CTDSPL2: variants seen among roughly 807,000 people sequenced by gnomAD.
The protein encoded by CTDSPL2 is CTD small phosphatase-like protein 2.
Under a neutral mutation model 60.0 loss-of-function variants are expected in CTDSPL2, and 5 were observed. The ratio of observed to expected loss-of-function variants is 0.08; its 90% CI spans 0.04 to 0.18. CTDSPL2 has a LOEUF of 0.18. Among genes scored for constraint, CTDSPL2 ranks in the 10% least tolerant of loss-of-function variants. The pLI is 1.00. For synonymous variants in CTDSPL2, 186 were observed against 189.3 expected (o/e 0.98, Z 0.14); for missense variants, 370 against 548.8 (o/e 0.67, Z 3.26).
At chr15:44,496,330 C>A in intron 5 of CTDSPL2, 50 bp from the exon 6 acceptor site, 1 of 1,173,970 alleles carries the variant, frequency 8.5e-7, no homozygotes, top group South Asian at 1.3e-5. Flanking sequence ...ATATATATTT[C>A]ATGAAGCATT....
chr15:44,513,777 A>G (rs2081606134), intron 8 of CTDSPL2, among the ~76,000 whole-genome samples: 1 of 152,192 alleles, frequency 6.6e-6, no homozygotes, highest in African/African-American at 2.4e-5. Context: ...TTTGTAACAA[A>G]ATGAATACAA....
At chr15:44,511,209 C>T (rs1396447604) in intron 8 of CTDSPL2, among the ~76,000 whole-genome samples, 3 of 152,170 alleles carry the variant, frequency 2.0e-5, no homozygotes, top group Non-Finnish European at 4.4e-5. Context: ...AGTAAAGAAA[C>T]ACTCTAGCAA....
chr15:44,438,932 G>C (rs2080028076), intron 1 of CTDSPL2, among the ~76,000 whole-genome samples: 1 of 152,062 alleles, frequency 6.6e-6, no homozygotes, highest in Admixed American at 6.6e-5. Flanking sequence ...AGGAGATCTT[G>C]AACCAGATCA....
chr15:44,444,367 A>G (rs990932010), intron 1 of CTDSPL2, among the ~76,000 whole-genome samples: 5 of 149,144 alleles, frequency 3.4e-5, no homozygotes, highest in African/African-American at 9.9e-5. Flanking sequence ...TTTTTTGAGA[A>G]GGGACCTTAC....
chr15:44,453,909 A>G (rs1367829425), intron 1 of CTDSPL2, among the ~76,000 whole-genome samples: 9 of 152,170 alleles, frequency 5.9e-5, no homozygotes, highest in Non-Finnish European at 1.2e-4. Flanking sequence ...TCTTTATAGC[A>G]GCATGATTTA....
At chr15:44,519,609 A>G (rs1037415153) in intron 11 of CTDSPL2, 2 of 197,510 alleles carry the variant, frequency 1.0e-5, no homozygotes, top group Non-Finnish European at 2.0e-5. Flanking sequence ...TGAGTACTAT[A>G]GTTAGTTTAT....
At chr15:44,500,612 TAGTAAAGTC>T (rs2081369600) in intron 8 of CTDSPL2, among the ~76,000 whole-genome samples, 1 of 152,186 alleles carries the variant, frequency 6.6e-6, no homozygotes, top group South Asian at 2.1e-4. Context: ...AAGATTAACT[TAGTAAAGTC>T]ACAGAGTGCT....
Position 44,484,317 on chromosome 15 carries a change from A to G in CTDSPL2, c.280A>G (p.Asn94Asp), listed in dbSNP as rs769574304. Residue 94 changes from asparagine to aspartate, a missense_variant, in exon 3 of 13, where the codon AAC (asparagine) becomes GAC (aspartate). Asn to Asp is a conservative substitution (Grantham distance 23). This residue lies in a region of CTDSPL2 where 287 missense variants were observed against 296.1 expected (regional missense o/e 0.97). Coordinates refer to ENST00000260327, the MANE Select transcript of CTDSPL2 (RefSeq NM_016396.3). Reference sequence around the variant, plus strand: ...AACACCAAGAGCAGGAGAAAAACCTAACAAACAGATATCTCGAGTAAGACG... The same window carrying G: ...AACACCAAGAGCAGGAGAAAAACCTGACAAACAGATATCTCGAGTAAGACG... ...TSTPRAGEKPNKQISRVRRKS... is the reference protein window; with the variant it reads ...TSTPRAGEKPDKQISRVRRKS... 6 of 1,613,822 alleles carry G rather than the reference A, an allele frequency of 3.7e-6. No individual in the cohort carries two copies. The highest frequency in any genetic ancestry group is 1.3e-5 in the African/African-American group (1 of 74,938).
chr15:44,499,066 G>C (rs1487564058), intron 7 of CTDSPL2, among the ~76,000 whole-genome samples: 1 of 152,066 alleles, frequency 6.6e-6, no homozygotes, highest in Admixed American at 6.6e-5. Context: ...AGAACTCAAA[G>C]CCTTGCTTCT....
At chr15:44,444,097 G>A (rs960329622) in intron 1 of CTDSPL2, among the ~76,000 whole-genome samples, 1 of 151,850 alleles carries the variant, frequency 6.6e-6, no homozygotes, top group Admixed American at 6.6e-5. Flanking sequence ...TAGGGATGGG[G>A]TCTCACCTTG....
intron 8 of CTDSPL2, among the ~76,000 whole-genome samples, chr15:44,504,192 T>TA (rs1427273594): frequency 2.6e-5 from 4 of 151,516 alleles, no homozygotes; most frequent in Non-Finnish European, 4.4e-5. Context: ...CACAAAAAAA[T>TA]AAAAAAAATT....
chr15:44,440,887 T>G (rs868790168), intron 1 of CTDSPL2, among the ~76,000 whole-genome samples: 2 of 152,138 alleles, frequency 1.3e-5, no homozygotes, highest in Non-Finnish European at 2.9e-5. Context: ...AGTTTCTGTT[T>G]TGTTGTTGCA....
chr15:44,511,975 G>A (rs1007401922), intron 8 of CTDSPL2, among the ~76,000 whole-genome samples: 1 of 151,532 alleles, frequency 6.6e-6, no homozygotes, highest in African/African-American at 2.4e-5. Flanking sequence ...TTGCTTGAGC[G>A]TAAGAGTTTG....
intron 1 of CTDSPL2, among the ~76,000 whole-genome samples, chr15:44,445,554 A>G (rs889200890): frequency 6.6e-6 from 1 of 152,072 alleles, no homozygotes; most frequent in Non-Finnish European, 1.5e-5. Flanking sequence ...GCTGCCCTGG[A>G]ACTCTACTCT....
At chr15:44,483,599 C>A (rs968326360) in intron 2 of CTDSPL2, among the ~76,000 whole-genome samples, 2 of 152,050 alleles carry the variant, frequency 1.3e-5, no homozygotes, top group Non-Finnish European at 1.5e-5. Context: ...CATAAATCAT[C>A]CTAATGGCTG....
At chr15:44,442,118 ATTC>A (rs1039961782) in intron 1 of CTDSPL2, among the ~76,000 whole-genome samples, 3 of 152,026 alleles carry the variant, frequency 2.0e-5, no homozygotes, top group African/African-American at 4.8e-5. Flanking sequence ...AACCTTGCTT[ATTC>A]TTCTATTTCC....
chr15:44,475,578 G>A (rs2080899374), intron 2 of CTDSPL2, among the ~76,000 whole-genome samples: 1 of 150,876 alleles, frequency 6.6e-6, no homozygotes, highest in Non-Finnish European at 1.5e-5. Context: ...GGTGGAGTTT[G>A]CAGTGAGCTG....
intron 2 of CTDSPL2, among the ~76,000 whole-genome samples, chr15:44,471,498 AACCATC>A (rs2080808927): frequency 6.6e-6 from 1 of 152,116 alleles, no homozygotes; most frequent in African/African-American, 2.4e-5. Context: ...ATTCCTGTGA[AACCATC>A]ACCATCATCA....
At chr15:44,507,837 A>G (rs2140849967) in intron 8 of CTDSPL2, among the ~76,000 whole-genome samples, 1 of 152,338 alleles carries the variant, frequency 6.6e-6, no homozygotes, top group African/African-American at 2.4e-5. Context: ...ATAGATAATA[A>G]TAGCTAATAG....
Sources: gnomAD v4.1 joint callset for allele counts (sites outside exome capture counted in the v4.1 genomes callset) on GRCh38, gnomAD v4.1.1 for gene constraint, gnomAD v4.1.1 regional missense constraint, MANE v1.5 for transcripts, NCBI Gene and HGNC (gene_info 2026-07-23, HGNC 2026-07-21) for gene names.